Variants in PLPP1 observed in about 807,000 individuals in gnomAD.
The protein encoded by PLPP1 is lipid phosphate phosphohydrolase 1a.
Under a neutral mutation model 31.2 loss-of-function variants are expected in PLPP1, and 24 were observed. The ratio of observed to expected loss-of-function variants is 0.77; its 90% confidence interval spans 0.56 to 1.08. The LOEUF (loss-of-function observed/expected upper bound fraction) is 1.08, where lower values mean the gene tolerates loss of function less well. Among genes scored for constraint, PLPP1 ranks in the 50% least tolerant of loss-of-function variants. The pLI, the probability that PLPP1 is intolerant of heterozygous loss-of-function variation, is 0.00. For missense variants in PLPP1, 319 were observed against 342.7 expected, an observed-to-expected ratio of 0.93 and a Z score of 0.55; for synonymous variants, 146 against 126.3, an observed-to-expected ratio of 1.16 and a Z score of -1.05.
intron 1 of PLPP1, among the ~76,000 whole-genome samples, chr5:55,506,963 T>C (rs921626646): frequency 1.3e-5 from 2 of 152,182 alleles, no homozygotes; most frequent in African/African-American, 4.8e-5. Flanking sequence ...AAAATACATT[T>C]TGGGGAGAAA....
chr5:55,447,606 G>C (rs1751796365), intron 3 of PLPP1, among the ~76,000 whole-genome samples: 1 of 152,214 alleles, frequency 6.6e-6, no homozygotes, highest in South Asian at 2.1e-4. Flanking sequence ...GCTCAAATCT[G>C]AGTCTTCCCA....
At chr5:55,504,545 A>G (rs1319216109) in intron 1 of PLPP1, among the ~76,000 whole-genome samples, 2 of 150,684 alleles carry the variant, frequency 1.3e-5, no homozygotes, top group Admixed American at 6.6e-5. Context: ...AAAAAAAAAA[A>G]AAAAGACTAA....
At chr5:55,525,338 G>A (rs1033292009) in intron 1 of PLPP1, among the ~76,000 whole-genome samples, 1 of 152,114 alleles carries the variant, frequency 6.6e-6, no homozygotes, top group Admixed American at 6.5e-5. Flanking sequence ...AAAGAATACA[G>A]GCACAAAGAG....
At chr5:55,526,931 C>CAAAAAA (rs34267008) in intron 1 of PLPP1, among the ~76,000 whole-genome samples, 5 of 75,484 alleles carry the variant, frequency 6.6e-5, no homozygotes, top group Middle Eastern at 8.2e-3. Context: ...GATTCCATCT[C>CAAAAAA]AAAAAAAAAA....
chr5:55,532,729 C>T lies in PLPP1; in HGVS notation c.58+1843G>A, dbSNP rs137892072. On this transcript the variant is annotated intron_variant, in intron 1 of 5. Coordinates refer to ENST00000307259, the MANE Select transcript of PLPP1 (RefSeq NM_003711.4). Reference sequence around the variant, plus strand: ...ATCCCAGCACTTTGGGAGGCCAAGGCGGGTGGATCACAAGGTCAAGAGTTC... The same window carrying T: ...ATCCCAGCACTTTGGGAGGCCAAGGTGGGTGGATCACAAGGTCAAGAGTTC... Among the ~76,000 whole-genome samples the T allele has an allele frequency of 2.5e-3, 384 of 152,180 alleles. 8 individuals are homozygous for T. In the East Asian group the frequency reaches 0.055, roughly 22 times the overall value.
chr5:55,512,818 C>T (rs1376576279), intron 1 of PLPP1, among the ~76,000 whole-genome samples: 1 of 152,110 alleles, frequency 6.6e-6, no homozygotes, highest in Non-Finnish European at 1.5e-5. Flanking sequence ...AAATCTATAA[C>T]AGATGTATGT....
intron 1 of PLPP1, among the ~76,000 whole-genome samples, chr5:55,485,664 T>C (rs1234523175): frequency 6.6e-6 from 1 of 152,026 alleles, no homozygotes; most frequent in Non-Finnish European, 1.5e-5. Flanking sequence ...GAAAAAACAA[T>C]GTTCAAGGGA....
intron 4 of PLPP1, among the ~76,000 whole-genome samples, chr5:55,441,508 G>A (rs1233274917): frequency 6.6e-6 from 1 of 152,198 alleles, no homozygotes; most frequent in East Asian, 1.9e-4. Flanking sequence ...GAGCCCAGAA[G>A]GAAAGAAGCT....
At chr5:55,531,630 T>C (rs549369311) in intron 1 of PLPP1, among the ~76,000 whole-genome samples, 18 of 152,366 alleles carry the variant, frequency 1.2e-4, no homozygotes, top group African/African-American at 4.3e-4. Flanking sequence ...AGGAAATTTA[T>C]GCCAGGTTGA....
intron 3 of PLPP1, among the ~76,000 whole-genome samples, chr5:55,452,576 T>C (rs1185212302): frequency 1.3e-5 from 2 of 152,246 alleles, no homozygotes; most frequent in African/African-American, 4.8e-5. Context: ...CTGTTCCATG[T>C]TGTTTATTCA....
chr5:55,454,456 AGGTTACT>A (rs1204803791), intron 3 of PLPP1, among the ~76,000 whole-genome samples: 1 of 152,224 alleles, frequency 6.6e-6, no homozygotes, highest in Non-Finnish European at 1.5e-5. Flanking sequence ...ACAGGTCAAT[AGGTTACT>A]GGTCAGTAAA....
At chr5:55,526,483 C>T (rs531630454) in intron 1 of PLPP1, among the ~76,000 whole-genome samples, 89 of 152,250 alleles carry the variant, frequency 5.8e-4, no homozygotes, top group African/African-American at 2.0e-3. Context: ...GGATTCTAGA[C>T]TGACCCAAGA....
intron 1 of PLPP1, among the ~76,000 whole-genome samples, chr5:55,518,177 A>T (rs1006817659): frequency 6.6e-6 from 1 of 152,138 alleles, no homozygotes; most frequent in Non-Finnish European, 1.5e-5. Flanking sequence ...TCCTATGCAC[A>T]TTAACTCTAG....
In PLPP1 at chr5:55,425,151, G is replaced by A. The variant is rs1024944840; in HGVS notation, c.*55C>T. 6.4e-7 allele frequency: 1 copy of A among 1,572,388 alleles called. No homozygotes were observed. The highest frequency in any genetic ancestry group is 8.6e-7 in the Non-Finnish European group (1 of 1,160,980). ...GAAAGATGCATCCTCTTGCCTTGTG[G>A]CAATCATTTTCCTTTAGAAAACAGG... On this transcript the variant is annotated 3_prime_UTR_variant, in exon 6 of 6. Coordinates refer to ENST00000307259, the MANE Select transcript of PLPP1 (RefSeq NM_003711.4).
chr5:55,458,510 T>C (rs982566747), intron 3 of PLPP1, among the ~76,000 whole-genome samples: 4 of 151,966 alleles, frequency 2.6e-5, no homozygotes, highest in South Asian at 4.2e-4. Context: ...AGTAGGATAC[T>C]TAAATTGCTA....
intron 1 of PLPP1, among the ~76,000 whole-genome samples, chr5:55,526,475 A>T (rs965084141): frequency 2.0e-5 from 3 of 152,186 alleles, no homozygotes; most frequent in Non-Finnish European, 2.9e-5. Context: ...TTGCAATAGG[A>T]TTCTAGACTG....
At chr5:55,440,991 CCT>C (rs1182377390) in intron 4 of PLPP1, among the ~76,000 whole-genome samples, 1 of 152,102 alleles carries the variant, frequency 6.6e-6, no homozygotes, top group Non-Finnish European at 1.5e-5. Context: ...TTCTAACCCT[CCT>C]CTCTGTTCCC....
chr5:55,526,575 AACG>A (rs377537407), intron 1 of PLPP1, among the ~76,000 whole-genome samples: 122 of 151,856 alleles, frequency 8.0e-4, no homozygotes, highest in Middle Eastern at 6.8e-3. Flanking sequence ...AAACAACAAC[AACG>A]ACAACAAACA....
chr5:55,477,051 T>C (rs5867984), intron 1 of PLPP1, among the ~76,000 whole-genome samples: 1 of 9,226 alleles, frequency 1.1e-4, no homozygotes. Flanking sequence ...AAAAAAAAAA[T>C]AATAAACTAG....
Sources: gnomAD v4.1 joint callset for allele counts (sites outside exome capture counted in the v4.1 genomes callset) on GRCh38, gnomAD v4.1.1 for gene constraint, MANE v1.5 for transcripts, NCBI Gene and HGNC (gene_info 2026-07-23, HGNC 2026-07-21) for gene names.